CDH4: variants seen among roughly 807,000 people sequenced by gnomAD.
CDH4 encodes cadherin-4.
A neutral mutation model predicts 86.0 loss-of-function variants in CDH4; 33 were observed. That is an observed-to-expected ratio of 0.38 (90% confidence interval 0.29 to 0.51). CDH4 has a LOEUF of 0.51. CDH4 is among the 20% of genes least tolerant of loss of function. The pLI, the probability that CDH4 is intolerant of heterozygous loss-of-function variation, is 0.86. For missense variants in CDH4, 1,114 were observed against 1,307.4 expected (o/e 0.85, Z 2.28); for synonymous variants, 555 against 549.4 (o/e 1.01, Z -0.14).
chr20:61,595,220 T>C (rs1049741787), intron 2 of CDH4, among the ~76,000 whole-genome samples: 1 of 152,226 alleles, frequency 6.6e-6, no homozygotes, highest in African/African-American at 2.4e-5. Flanking sequence ...TGTCTGGGTA[T>C]GTCCTACCCA....
chr20:61,451,480 C>T (rs2085380316), intron 2 of CDH4, among the ~76,000 whole-genome samples: 1 of 152,192 alleles, frequency 6.6e-6, no homozygotes, highest in Non-Finnish European at 1.5e-5. Context: ...TTCCAAGATA[C>T]AGGCAAGCTA....
intron 3 of CDH4, among the ~76,000 whole-genome samples, chr20:61,756,157 G>C (rs35846524): frequency 1.3e-5 from 2 of 152,328 alleles, no homozygotes; most frequent in South Asian, 2.1e-4. Context: ...CTTCGTTAGC[G>C]TGAACGCACC....
intron 2 of CDH4, among the ~76,000 whole-genome samples, chr20:61,467,935 G>A (rs1301728429): frequency 8.5e-5 from 13 of 152,226 alleles, no homozygotes; most frequent in Non-Finnish European, 1.2e-4. Context: ...AGAATCCGCC[G>A]AGGGAAGAAG....
chr20:61,379,178 C>T (rs1471286338), intron 2 of CDH4, among the ~76,000 whole-genome samples: 3 of 152,060 alleles, frequency 2.0e-5, no homozygotes, highest in Non-Finnish European at 4.4e-5. Flanking sequence ...CAGACTAACA[C>T]CAGGGTGTGA....
chr20:61,777,957 AC>A (rs1978341120), intron 4 of CDH4, among the ~76,000 whole-genome samples: 1 of 151,292 alleles, frequency 6.6e-6, no homozygotes, highest in Non-Finnish European at 1.5e-5. Context: ...ACATGCACAC[AC>A]GTGCATACTA....
chr20:61,777,454 C>T (rs78821206), intron 4 of CDH4, among the ~76,000 whole-genome samples: 3,760 of 152,314 alleles, frequency 0.025, 154 homozygotes, highest in African/African-American at 0.085. Flanking sequence ...CAAAGGAAGG[C>T]GGAGTGGGCA....
At position 61,879,426 on chromosome 20, in the gene CDH4, C is replaced by A. The variant is rs550347391; in HGVS notation, c.1050+5526C>A. 3.3e-5 allele frequency among the ~76,000 whole-genome samples: 5 copies of A among 152,310 alleles called. No individual in the cohort carries two copies. The East Asian group carries it at 7.7e-4, about 24-fold the overall frequency. On this transcript the variant is annotated intron_variant, in intron 7 of 15. Coordinates refer to ENST00000614565, the MANE Select transcript of CDH4 (RefSeq NM_001794.5). This position sits in a 1 kb window ranked among gnomAD's most constrained non-coding sequence, Gnocchi z 4.1. The stretch of plus-strand genomic sequence containing the variant: ...GCCCTTGGGCAACAAGCAGAGTCTT[C>A]GGGGGAAGCACCAGAGATACTTCTC...
chr20:61,548,167 C>T (rs2086102677), intron 2 of CDH4, among the ~76,000 whole-genome samples: 1 of 152,104 alleles, frequency 6.6e-6, no homozygotes, highest in African/African-American at 2.4e-5. Context: ...AGTTAGAAAA[C>T]AATATAAGAG....
chr20:61,301,058 C>T (rs1342297194), intron 2 of CDH4, among the ~76,000 whole-genome samples: 1 of 152,264 alleles, frequency 6.6e-6, no homozygotes, highest in Non-Finnish European at 1.5e-5. Flanking sequence ...TCTTACCTCG[C>T]AGTGTGCCCG....
intron 2 of CDH4, among the ~76,000 whole-genome samples, chr20:61,296,320 C>G (rs1179341333): frequency 1.4e-5 from 2 of 143,590 alleles, no homozygotes; most frequent in Admixed American, 6.9e-5. Context: ...TGTGTGCATG[C>G]GTGCGTGTGT....
At chr20:61,469,478 A>T (rs2145567141) in intron 2 of CDH4, among the ~76,000 whole-genome samples, 1 of 152,308 alleles carries the variant, frequency 6.6e-6, no homozygotes, top group South Asian at 2.1e-4. Flanking sequence ...TCAGGTGAGT[A>T]GTTTGCACAT....
intron 3 of CDH4, among the ~76,000 whole-genome samples, chr20:61,760,450 C>T (rs537380616): frequency 3.9e-5 from 6 of 152,364 alleles, no homozygotes; most frequent in South Asian, 2.1e-4. Context: ...AGAGGAGGAA[C>T]GGTGAGGGCT....
chr20:61,409,810 A>T (rs7352971), intron 2 of CDH4, among the ~76,000 whole-genome samples: 1 of 152,272 alleles, frequency 6.6e-6, no homozygotes, highest in African/African-American at 2.4e-5. Context: ...ATATGACAAT[A>T]GGTAGCTAAG....
chr20:61,349,081 C>A (rs967231738), intron 2 of CDH4, among the ~76,000 whole-genome samples: 2 of 152,216 alleles, frequency 1.3e-5, no homozygotes, highest in Non-Finnish European at 2.9e-5. Flanking sequence ...GCCCCAGCAT[C>A]CAGGGTTTTG....
intron 2 of CDH4, among the ~76,000 whole-genome samples, chr20:61,632,616 G>A (rs1054146978): frequency 2.0e-5 from 3 of 151,112 alleles, no homozygotes; most frequent in Non-Finnish European, 3.0e-5. Context: ...CCACCCACTC[G>A]TCTGCTCACA....
chr20:61,804,848 A>C (rs1013303426), intron 4 of CDH4, among the ~76,000 whole-genome samples: 1 of 152,256 alleles, frequency 6.6e-6, no homozygotes, highest in African/African-American at 2.4e-5. Context: ...TCTAAAAGGC[A>C]GAGGCCAGTG....
At chr20:61,428,596 C>T (rs1043489230) in intron 2 of CDH4, among the ~76,000 whole-genome samples, 1 of 152,184 alleles carries the variant, frequency 6.6e-6, no homozygotes, top group Non-Finnish European at 1.5e-5. Context: ...GAACAAACCA[C>T]TGCCCTTTAC....
rs1168667262 is a variant in CDH4 at position 61,940,377 on chromosome 20, G to C, written c.*3434G>C. 1.3e-5 allele frequency: 2 copies of C among 151,898 alleles called. No homozygotes were observed. The highest frequency in any genetic ancestry group is 2.9e-5 in the Non-Finnish European group (2 of 67,998). 9.4% of individuals were successfully genotyped at this position (151,898 alleles called of 1,614,324 possible). On this transcript the variant is annotated 3_prime_UTR_variant, in exon 16 of 16. Coordinates refer to ENST00000614565, the MANE Select transcript of CDH4 (RefSeq NM_001794.5). Reference sequence around the variant, plus strand: ...TCACACCTGCAAATCTGAGCATCGCGAGGTTAAACGTTCCACCTTTTTTTG... The same window carrying C: ...TCACACCTGCAAATCTGAGCATCGCCAGGTTAAACGTTCCACCTTTTTTTG...
chr20:61,264,093 G>C (rs759721502), intron 2 of CDH4, among the ~76,000 whole-genome samples: 5 of 152,172 alleles, frequency 3.3e-5, no homozygotes, highest in Non-Finnish European at 7.4e-5. Flanking sequence ...CACAGCCTCC[G>C]GAATTAGGAT....
Sources: allele counts gnomAD v4.1 joint callset (sites outside exome capture counted in the v4.1 genomes callset), GRCh38; gene constraint gnomAD v4.1.1; non-coding constraint Gnocchi (gnomAD v3.1); transcripts MANE v1.5; gene names NCBI Gene and HGNC (gene_info 2026-07-23, HGNC 2026-07-21).